KCNAB1: variants seen among roughly 807,000 people sequenced by gnomAD.
KCNAB1 encodes the protein potassium voltage-gated channel subfamily A regulatory beta subunit 1, also known as voltage-gated potassium channel subunit beta-1.
In KCNAB1, 35 loss-of-function variants were observed where a neutral mutation model predicts 64.6. The observed-to-expected ratio is 0.54, with a 90% CI of 0.41 to 0.72. The LOEUF is 0.72. Ranked by LOEUF, KCNAB1 falls within the 30% of genes least tolerant of loss-of-function variation. The probability of loss-of-function intolerance (pLI) is 0.00; values close to 1 mark genes in which losing one functional copy is unlikely to be tolerated. For missense variants in KCNAB1, 401 were observed against 512.9 expected, an observed-to-expected ratio of 0.78 and a Z score of 2.11; for synonymous variants, 177 against 183.8, an observed-to-expected ratio of 0.96 and a Z score of 0.30.
chr3:156,414,621 G>A (rs959229807), intron 1 of KCNAB1, among the ~76,000 whole-genome samples: 1 of 152,176 alleles, frequency 6.6e-6, no homozygotes, highest in Non-Finnish European at 1.5e-5. Flanking sequence ...CTAACTTTCA[G>A]TTAAAAGGTG....
chr3:156,411,599 C>T (rs1714669532), intron 1 of KCNAB1, among the ~76,000 whole-genome samples: 1 of 152,104 alleles, frequency 6.6e-6, no homozygotes, highest in African/African-American at 2.4e-5. Flanking sequence ...TGCCCCATGA[C>T]CATTTGTTGA....
chr3:156,340,358 C>T (rs1724013251), intron 1 of KCNAB1, among the ~76,000 whole-genome samples: 1 of 152,226 alleles, frequency 6.6e-6, no homozygotes, highest in Non-Finnish European at 1.5e-5. Flanking sequence ...ATGCCAAATT[C>T]CCACTACACC....
At chr3:156,514,935 C>T (rs1717455919) in intron 9 of KCNAB1, among the ~76,000 whole-genome samples, 165 bp from the exon 10 acceptor site, 1 of 152,190 alleles carries the variant, frequency 6.6e-6, no homozygotes, top group African/African-American at 2.4e-5. Context: ...TTTCATATTG[C>T]TCTTAGTGAA....
intron 1 of KCNAB1, among the ~76,000 whole-genome samples, chr3:156,263,587 G>T (rs1045619685): frequency 2.6e-5 from 4 of 152,048 alleles, no homozygotes; most frequent in Non-Finnish European, 5.9e-5. Flanking sequence ...TGAAAAGAAT[G>T]TGTGTTCTGC....
At chr3:156,461,164 T>A (rs752261767) in intron 5 of KCNAB1, among the ~76,000 whole-genome samples, 2 of 152,232 alleles carry the variant, frequency 1.3e-5, no homozygotes, top group African/African-American at 2.4e-5. Flanking sequence ...AGAGACTGTA[T>A]CCATTCGCTA....
At chr3:156,320,224 C>T (rs567465280) in intron 1 of KCNAB1, among the ~76,000 whole-genome samples, 11 of 152,162 alleles carry the variant, frequency 7.2e-5, no homozygotes, top group African/African-American at 2.6e-4. Flanking sequence ...GTTATGCTGC[C>T]CTGAATCAAA....
intron 2 of KCNAB1, among the ~76,000 whole-genome samples, chr3:156,423,511 A>G (rs888667623): frequency 6.6e-6 from 1 of 152,176 alleles, no homozygotes; most frequent in African/African-American, 2.4e-5. Flanking sequence ...ATGAGAAGGA[A>G]GTGTTAGAAG....
chr3:156,537,006 T>C lies in KCNAB1; in HGVS notation c.*259T>C. ...CATTGCTGTATACACCTCATGCTTA[T>C]GCAATGGGAAGAATATGGGGGCCAG... On this transcript the variant is annotated 3_prime_UTR_variant, in exon 14 of 14. Coordinates refer to ENST00000490337, the MANE Select transcript of KCNAB1 (RefSeq NM_172160.3). 2.0e-6 allele frequency: 1 copy of C among 490,822 alleles called. No individual in the cohort carries two copies. Among genetic ancestry groups the C allele is most frequent in the East Asian group, 3.1e-5 (1 of 32,052 alleles). The allele number at this position is 490,822 out of a possible 1,614,324, so 30.4% of individuals were successfully genotyped here.
At chr3:156,219,954 G>A (rs1715602087) in intron 1 of KCNAB1, among the ~76,000 whole-genome samples, 1 of 151,802 alleles carries the variant, frequency 6.6e-6, no homozygotes, top group Non-Finnish European at 1.5e-5. Flanking sequence ...ACCTGTGAGT[G>A]AGAACATGCG....
intron 2 of KCNAB1, among the ~76,000 whole-genome samples, chr3:156,438,056 T>C (rs929231424): frequency 3.9e-5 from 6 of 152,206 alleles, no homozygotes; most frequent in Non-Finnish European, 7.3e-5. Context: ...CAAACCAGAA[T>C]CTATTGCTTT....
chr3:156,177,296 C>T (rs971468813), intron 1 of KCNAB1, among the ~76,000 whole-genome samples: 1 of 152,220 alleles, frequency 6.6e-6, no homozygotes, highest in Non-Finnish European at 1.5e-5. Flanking sequence ...ATGGCCAATC[C>T]TGCTCACTAT....
intron 13 of KCNAB1, among the ~76,000 whole-genome samples, chr3:156,535,678 C>T (rs182390356): frequency 2.0e-5 from 3 of 152,204 alleles, no homozygotes; most frequent in Non-Finnish European, 4.4e-5. Flanking sequence ...TACCAATATA[C>T]TTCTAGTTAC....
intron 1 of KCNAB1, among the ~76,000 whole-genome samples, chr3:156,131,490 C>T (rs555730698): frequency 1.0e-3 from 154 of 152,308 alleles, no homozygotes; most frequent in African/African-American, 3.6e-3. Flanking sequence ...AATCCAGGAA[C>T]GGCTCCCAAA....
chr3:156,222,103 C>G (rs922866706), intron 1 of KCNAB1, among the ~76,000 whole-genome samples: 8 of 152,014 alleles, frequency 5.3e-5, no homozygotes, highest in Non-Finnish European at 8.8e-5. Flanking sequence ...TGTAAATGGC[C>G]TAAAATGCTC....
intron 5 of KCNAB1, chr3:156,460,347 C>G (rs1712807274): frequency 6.5e-6 from 1 of 154,448 alleles, no homozygotes; most frequent in Non-Finnish European, 1.4e-5. Context: ...CAGCATCTCT[C>G]CTGTGTGCCC....
intron 1 of KCNAB1, among the ~76,000 whole-genome samples, chr3:156,233,704 AAGTATAGTGGAGAC>A (rs1251721385): frequency 9.2e-5 from 14 of 152,130 alleles, no homozygotes; most frequent in Middle Eastern, 3.4e-3. Flanking sequence ...CAGGCAGGGG[AAGTATAGTGGAGAC>A]AGTGAGGAGT....
rs146104150 is a variant in KCNAB1, at chr3:156,465,087, G to C, written c.528-556G>C. On this transcript the variant is annotated intron_variant, in intron 6 of 13. Transcript: ENST00000490337. ...CCATATTTCATTCTAATTGGCCAGA[G>C]CTTGAGAATTGGGAAGGCAAAAGTC... 2.4e-3 allele frequency among the ~76,000 whole-genome samples: 360 copies of C among 152,270 alleles called. 3 individuals are homozygous for C. The highest frequency in any genetic ancestry group is 8.6e-3 in the African/African-American group (357 of 41,566).
intron 1 of KCNAB1, among the ~76,000 whole-genome samples, chr3:156,154,452 T>A (rs1282800258): frequency 6.6e-6 from 1 of 152,130 alleles, no homozygotes; most frequent in Non-Finnish European, 1.5e-5. Flanking sequence ...CTCCGAACTA[T>A]GGGGGACAAG....
At chr3:156,280,310 C>G (rs1283694684) in intron 1 of KCNAB1, among the ~76,000 whole-genome samples, 25 of 148,708 alleles carry the variant, frequency 1.7e-4, no homozygotes, top group Non-Finnish European at 3.2e-4. Flanking sequence ...GGGCTCTGTT[C>G]TGTTCCATTG....
Sources: allele counts gnomAD v4.1 joint callset (sites outside exome capture counted in the v4.1 genomes callset), GRCh38; gene constraint gnomAD v4.1.1; transcripts MANE v1.5; gene names NCBI Gene and HGNC (gene_info 2026-07-23, HGNC 2026-07-21).